Variants in ACOT7 observed in about 807,000 individuals in gnomAD.
ACOT7 encodes the protein cytosolic acyl coenzyme A thioester hydrolase.
ACOT7 carries 12 observed loss-of-function variants against 40.2 expected under a neutral mutation model. The ratio of observed to expected loss-of-function variants is 0.30; its 90% CI spans 0.19 to 0.48. The LOEUF (loss-of-function observed/expected upper bound fraction) is 0.48. ACOT7 is among the 20% of genes least tolerant of loss of function. ACOT7 has a pLI of 0.99. For missense variants in ACOT7, 395 were observed against 530.8 expected, an observed-to-expected ratio of 0.74 and a Z score of 2.51; for synonymous variants, 228 against 219.5, an observed-to-expected ratio of 1.04 and a Z score of -0.34.
chr1:6,373,261 T>C (rs1455089822), intron 1 of ACOT7, among the ~76,000 whole-genome samples: 1 of 152,112 alleles, frequency 6.6e-6, no homozygotes, highest in African/African-American at 2.4e-5. Flanking sequence ...ACAAACTTTT[T>C]TTTTTTTGAG....
rs904187417 is a variant in ACOT7, at chr1:6,289,407, G to C, written c.829+5457C>G. Among the ~76,000 whole-genome samples the C allele has an allele frequency of 2.0e-5, 3 of 151,856 alleles. No homozygotes were observed. The highest frequency in any genetic ancestry group is 2.9e-5 in the Non-Finnish European group (2 of 67,966). On this transcript the variant is annotated intron_variant, in intron 7 of 8. Coordinates refer to ENST00000361521, the MANE Select transcript of ACOT7 (RefSeq NM_007274.4). This position sits in a 1 kb window ranked among gnomAD's most constrained non-coding sequence, Gnocchi z 4.6. ...GAGCCACCACGCCCAGCCTGTTTTT[G>C]TTTTTTAAATTGAGACAAGGTCTCA...
rs115497657 is a variant in ACOT7, at chr1:6,312,027, C to T, written c.712+6465G>A. Among the ~76,000 whole-genome samples the T allele has an allele frequency of 3.4e-3, 520 of 152,274 alleles. 2 individuals are homozygous for T. The highest frequency in any genetic ancestry group is 0.012 in the African/African-American group (491 of 41,556). On this transcript the variant is annotated intron_variant, in intron 6 of 8. Coordinates refer to ENST00000361521, the MANE Select transcript of ACOT7 (RefSeq NM_007274.4). ...CCTCTCAGGGGAGGCGCCAACATCA[C>T]CTCAAGTGGAGGAGACATACAGACC... is the stretch of plus-strand genomic sequence containing the variant.
At chr1:6,315,351 T>C (rs916210474) in intron 6 of ACOT7, among the ~76,000 whole-genome samples, 1 of 152,250 alleles carries the variant, frequency 6.6e-6, no homozygotes, top group Non-Finnish European at 1.5e-5. Context: ...TTAGATGCCA[T>C]TCTTGCCAAC....
intron 1 of ACOT7, among the ~76,000 whole-genome samples, chr1:6,383,951 G>A (rs577720645): frequency 2.6e-5 from 4 of 151,680 alleles, no homozygotes; most frequent in Admixed American, 1.3e-4. Flanking sequence ...TGATCCGCCC[G>A]CCTCGGCCTC....
At chr1:6,339,737 C>T (rs2235691) in intron 2 of ACOT7, 148 bp from the exon 3 acceptor site, 167,952 of 628,388 alleles carry the variant, frequency 0.27, 29,938 homozygotes, top group African/African-American at 0.78. Flanking sequence ...ATTGGCACCG[C>T]GGTTTTTTTT....
chr1:6,321,440 C>T (rs1162439991), intron 5 of ACOT7, among the ~76,000 whole-genome samples: 1 of 152,216 alleles, frequency 6.6e-6, no homozygotes, highest in Non-Finnish European at 1.5e-5. Context: ...CCACTCCACT[C>T]CACTCCCTTT....
At chr1:6,380,808 A>T (rs1350088756) in intron 1 of ACOT7, among the ~76,000 whole-genome samples, 1 of 151,836 alleles carries the variant, frequency 6.6e-6, no homozygotes, top group Non-Finnish European at 1.5e-5. Context: ...AAAGCTTTAC[A>T]ACATTGGATT....
intron 1 of ACOT7, among the ~76,000 whole-genome samples, chr1:6,363,634 G>C (rs913546285): frequency 6.6e-6 from 1 of 152,046 alleles, no homozygotes; most frequent in Admixed American, 6.6e-5. Context: ...TCTCTGCCTT[G>C]GCTGCCAGGC....
Position 6,306,160 on chromosome 1 carries a change from G to A in ACOT7, c.713-11180C>T, listed in dbSNP as rs1318061416. 3.7e-6 allele frequency: 3 copies of A among 817,168 alleles called. No homozygotes were observed. The African/African-American group carries it at 5.9e-5, about 16-fold the overall frequency. The allele number at this position is 817,168 out of a possible 1,614,324, so 50.6% of individuals were successfully genotyped here. Reference sequence around the variant, plus strand: ...AGCAGCACAGTCCAGCTTCGGCTCGGCATCAGAGGGAGACCGTGGCAAGAG... The same window carrying A: ...AGCAGCACAGTCCAGCTTCGGCTCGACATCAGAGGGAGACCGTGGCAAGAG... On this transcript the variant is annotated intron_variant, in intron 6 of 8. Coordinates refer to ENST00000361521, the MANE Select transcript of ACOT7 (RefSeq NM_007274.4). The surrounding 1 kb of genome is among the most constrained non-coding windows in gnomAD (Gnocchi z 4.3).
chr1:6,291,197 G>A (rs1298594576), intron 7 of ACOT7, among the ~76,000 whole-genome samples: 1 of 152,136 alleles, frequency 6.6e-6, no homozygotes. Flanking sequence ...TTGGAATAAA[G>A]GTCTTAGCAG....
chr1:6,265,988 C>T (rs756275558), intron 8 of ACOT7, among the ~76,000 whole-genome samples: 3 of 152,140 alleles, frequency 2.0e-5, no homozygotes, highest in Non-Finnish European at 4.4e-5. Context: ...TAAATGTCAC[C>T]AGGTGTAAAC....
intron 8 of ACOT7, among the ~76,000 whole-genome samples, chr1:6,276,001 T>C (rs577347425): frequency 1.5e-3 from 224 of 152,270 alleles, no homozygotes; most frequent in African/African-American, 5.2e-3. Flanking sequence ...CAGGAAGCAG[T>C]GGGGTCACGG....
chr1:6,348,521 G>A lies in ACOT7; in HGVS notation c.261+1228C>T, dbSNP rs190367697. Among the ~76,000 whole-genome samples, 19 of 152,294 alleles carry A rather than the reference G, an allele frequency of 1.2e-4. No individual in the cohort carries two copies. The East Asian group carries it at 3.3e-3, about 26-fold the overall frequency. ...GAAGGCAGGGTCTTTGGGAGGTGAT[G>A]AGAGAATGGGGACAGAGCCCTCACA... On this transcript the variant is annotated intron_variant, in intron 2 of 8. Transcript: ENST00000361521.
At chr1:6,354,589 G>A (rs1215286777) in intron 1 of ACOT7, among the ~76,000 whole-genome samples, 2 of 152,090 alleles carry the variant, frequency 1.3e-5, no homozygotes, top group Non-Finnish European at 2.9e-5. Context: ...CACTGTTTGG[G>A]GAGGTCACCT....
intron 3 of ACOT7, among the ~76,000 whole-genome samples, chr1:6,336,316 A>G (rs1164527442): frequency 6.9e-6 from 1 of 145,122 alleles, no homozygotes; most frequent in Non-Finnish European, 1.5e-5. Context: ...CCTGCACGAC[A>G]GAGCAAGACT....
Position 6,393,323 on chromosome 1 carries a change from G to T in ACOT7, c.77C>A (p.Ser26Tyr). 7.9e-7 allele frequency: 1 copy of T among 1,269,206 alleles called. No individual in the cohort carries two copies. 78.6% of individuals were successfully genotyped at this position (1,269,206 alleles called of 1,614,324 possible). ...TCALLQPPAA[S>Y]AAAAPSMSGP... ...CGACATGCTGGGGGCTGCGGCGGCGGATGCGGCGGGCGGCTGCAGAAGGGC... is the reference window on the plus strand; with the variant it reads ...CGACATGCTGGGGGCTGCGGCGGCGTATGCGGCGGGCGGCTGCAGAAGGGC... Residue 26 changes from serine (S) to tyrosine (Y), a missense_variant, in exon 1 of 9, where the codon TCC (serine) becomes TAC (tyrosine). Physicochemically the swap from Ser to Tyr is moderately radical, Grantham distance 144 (BLOSUM62 -2). This residue lies in a region of ACOT7 where 86 missense variants were observed against 60.5 expected (regional missense o/e 1.42). Transcript: ENST00000361521.
Position 6,288,238 on chromosome 1 carries a change from G to T in ACOT7, c.829+6626C>A, listed in dbSNP as rs570578226. On this transcript the variant is annotated intron_variant, in intron 7 of 8. Transcript: ENST00000361521. This position sits in a 1 kb window ranked among gnomAD's most constrained non-coding sequence, Gnocchi z 4.3. Reference sequence around the variant, plus strand: ...GGCTCCAGCCTGTCGTGGCCCTCGCGTCCCCAGCACCAACTCCGTTGCTGG... The same window carrying T: ...GGCTCCAGCCTGTCGTGGCCCTCGCTTCCCCAGCACCAACTCCGTTGCTGG... 6.6e-6 allele frequency among the ~76,000 whole-genome samples: 1 copy of T among 152,148 alleles called. No homozygotes were observed. Among genetic ancestry groups the T allele is most frequent in the South Asian group, 2.1e-4 (1 of 4,830 alleles).
Position 6,358,947 on chromosome 1 carries a change from C to T in ACOT7, c.144-9081G>A, listed in dbSNP as rs76984824. 808 of 1,523,522 alleles carry T rather than the reference C, an allele frequency of 5.3e-4. 3 individuals are homozygous for T. In the African/African-American group the frequency reaches 9.1e-3, roughly 17 times the overall value. 94.4% of individuals were successfully genotyped at this position (1,523,522 alleles called of 1,614,324 possible). A position where few individuals can be genotyped will look rare whatever the true frequency, so the allele number is the denominator to read the frequency against. The stretch of plus-strand genomic sequence containing the variant: ...CCAGGACTGTCCCAGCTCCCTGCCA[C>T]ACCGGGCTTGGTGGGGAGCACCCCC... On this transcript the variant is annotated intron_variant, in intron 1 of 8. Transcript: ENST00000361521. This position sits in a 1 kb window ranked among gnomAD's most constrained non-coding sequence, Gnocchi z 4.1.
chr1:6,374,441 AAGG>A (rs1321341988), intron 1 of ACOT7, among the ~76,000 whole-genome samples: 3 of 152,154 alleles, frequency 2.0e-5, no homozygotes, highest in Non-Finnish European at 2.9e-5. Context: ...TCCAAATGTC[AAGG>A]AGGATGCCCT....
Sources: allele counts gnomAD v4.1 joint callset (sites outside exome capture counted in the v4.1 genomes callset), GRCh38; gene constraint gnomAD v4.1.1; regional missense constraint gnomAD v4.1.1; non-coding constraint Gnocchi (gnomAD v3.1); transcripts MANE v1.5; gene names NCBI Gene and HGNC (gene_info 2026-07-23, HGNC 2026-07-21).